Variants in EBF1 observed in about 807,000 individuals in gnomAD.
The protein encoded by EBF1 is EBF transcription factor 1, also known as transcription factor COE1.
Under a neutral mutation model 68.4 loss-of-function variants are expected in EBF1, and 10 were observed. The observed-to-expected ratio is 0.15, with a 90% CI of 0.09 to 0.25. The LOEUF (loss-of-function observed/expected upper bound fraction) is 0.25, where lower values mean the gene tolerates loss of function less well. Ranked by LOEUF, EBF1 falls within the 10% of genes least tolerant of loss-of-function variation. The pLI is 1.00. For missense variants in EBF1, 509 were observed against 794.4 expected (o/e 0.64, Z 4.32); for synonymous variants, 298 against 299.8 (o/e 0.99, Z 0.06).
At chr5:158,907,708 A>G (rs80127467) in intron 6 of EBF1, among the ~76,000 whole-genome samples, 3,212 of 152,224 alleles carry the variant, frequency 0.021, 121 homozygotes, top group African/African-American at 0.073. Context: ...CACCCAAAAC[A>G]TGTATCTTTG....
At chr5:159,041,959 T>C (rs1771281530) in intron 6 of EBF1, among the ~76,000 whole-genome samples, 2 of 152,192 alleles carry the variant, frequency 1.3e-5, no homozygotes, top group Admixed American at 1.3e-4. Context: ...CACAGAATAC[T>C]GATCTATCCA....
At chr5:158,867,890 C>T (rs1242468912) in intron 6 of EBF1, among the ~76,000 whole-genome samples, 1 of 152,148 alleles carries the variant, frequency 6.6e-6, no homozygotes, top group African/African-American at 2.4e-5. Context: ...GATGAGCATT[C>T]GACCATTTCA....
intron 10 of EBF1, among the ~76,000 whole-genome samples, chr5:158,742,472 G>C (rs1254965110): frequency 1.3e-5 from 2 of 152,198 alleles, no homozygotes; most frequent in Non-Finnish European, 2.9e-5. Flanking sequence ...ATACTCAATA[G>C]GCAGTTGTTA....
At chr5:158,888,510 T>C (rs554031868) in intron 6 of EBF1, among the ~76,000 whole-genome samples, 1 of 152,204 alleles carries the variant, frequency 6.6e-6, no homozygotes, top group African/African-American at 2.4e-5. Flanking sequence ...TCACAGCCAA[T>C]GTGCTAAATT....
chr5:158,737,320 G>A (rs71593307), intron 10 of EBF1, among the ~76,000 whole-genome samples: 5 of 111,426 alleles, frequency 4.5e-5, no homozygotes, highest in Non-Finnish European at 4.9e-5. Context: ...GTCTCGCTCC[G>A]TCGCCCAGGG....
chr5:159,006,080 G>C (rs1453036287), intron 6 of EBF1, among the ~76,000 whole-genome samples: 2 of 152,124 alleles, frequency 1.3e-5, no homozygotes, highest in Non-Finnish European at 2.9e-5. Context: ...TCAGTTTATG[G>C]ATAACGGTAT....
At chr5:159,002,719 A>G (rs1762782097) in intron 6 of EBF1, among the ~76,000 whole-genome samples, 1 of 152,244 alleles carries the variant, frequency 6.6e-6, no homozygotes, top group African/African-American at 2.4e-5. Context: ...CCATATAGGC[A>G]CCTAAAATTG....
At chr5:158,988,364 T>C (rs769463375) in intron 6 of EBF1, among the ~76,000 whole-genome samples, 3 of 152,010 alleles carry the variant, frequency 2.0e-5, no homozygotes, top group Non-Finnish European at 4.4e-5. Context: ...TTGAGAAGAG[T>C]GGGACCTAGG....
chr5:158,731,150 G>T lies in EBF1; in HGVS notation c.1044C>A (p.Asn348Lys). The T allele has an allele frequency of 6.2e-7, 1 of 1,613,846 alleles. No homozygotes were observed. Among genetic ancestry groups the T allele is most frequent in the Non-Finnish European group, 8.5e-7 (1 of 1,179,854 alleles). Residue 348 changes from asparagine to lysine, a missense_variant, in exon 11 of 16, where the codon AAC becomes AAA. Physicochemically the swap from Asn to Lys is moderately conservative, Grantham distance 94. Transcript: ENST00000313708. ...GGAAACCATAATCGATGGTGGGTTC[G>T]TTGAGCGCTGCAATAAAGAAGTCAC... ...TPGRFIYTAL[N>K]EPTIDYGFQR...
intron 6 of EBF1, among the ~76,000 whole-genome samples, chr5:158,866,865 A>G (rs373600854): frequency 0.01 from 600 of 58,082 alleles, 28 homozygotes; most frequent in African/African-American, 0.023. Context: ...ATATATATAT[A>G]TATATATATA....
rs182528868 is a variant in EBF1, at chr5:159,026,132, A to C, written c.554+47264T>G. Among the ~76,000 whole-genome samples the C allele has an allele frequency of 7.9e-5, 12 of 152,310 alleles. No individual in the cohort carries two copies. In the East Asian group the frequency reaches 2.3e-3, roughly 29 times the overall value. On this transcript the variant is annotated intron_variant, in intron 6 of 15. Transcript: ENST00000313708. ...AGGTGATTTCAGATGATGCCCGTCAAGCTGGATCTTATGGCCCAGTTGTTT... is the reference window on the plus strand; with the variant it reads ...AGGTGATTTCAGATGATGCCCGTCACGCTGGATCTTATGGCCCAGTTGTTT...
At chr5:159,087,088 T>G (rs1414075294) in intron 4 of EBF1, among the ~76,000 whole-genome samples, 1 of 151,978 alleles carries the variant, frequency 6.6e-6, no homozygotes, top group South Asian at 2.1e-4. Flanking sequence ...CTATTAGTAC[T>G]ACATGGTTTG....
chr5:159,098,128 T>G (rs1782985836), intron 1 of EBF1, among the ~76,000 whole-genome samples: 1 of 152,214 alleles, frequency 6.6e-6, no homozygotes, highest in African/African-American at 2.4e-5. Flanking sequence ...CTTCTTCCCC[T>G]TCCGCACTCT....
chr5:158,955,211 T>G (rs1190174631), intron 6 of EBF1, among the ~76,000 whole-genome samples: 2 of 151,936 alleles, frequency 1.3e-5, no homozygotes, highest in African/African-American at 4.8e-5. Context: ...TAATCCCAGC[T>G]ACTTGGGAGT....
chr5:159,015,140 T>C (rs1765405609), intron 6 of EBF1, among the ~76,000 whole-genome samples: 1 of 152,190 alleles, frequency 6.6e-6, no homozygotes, highest in African/African-American at 2.4e-5. Flanking sequence ...AATGATTTAA[T>C]CTCTCTCAAT....
intron 6 of EBF1, among the ~76,000 whole-genome samples, chr5:158,923,759 T>C (rs967321817): frequency 4.6e-5 from 7 of 152,218 alleles, no homozygotes; most frequent in Non-Finnish European, 4.4e-5. Flanking sequence ...CCCATTTCAC[T>C]GTAAGGTCCC....
At chr5:158,712,506 G>T in intron 13 of EBF1, among the ~76,000 whole-genome samples, 173 bp from the exon 14 acceptor site, 1 of 152,172 alleles carries the variant, frequency 6.6e-6, no homozygotes, top group South Asian at 2.1e-4. Context: ...ATTAAAATGG[G>T]AAGCGAGCAA....
chr5:158,969,377 G>A (rs530415462), intron 6 of EBF1, among the ~76,000 whole-genome samples: 2 of 152,274 alleles, frequency 1.3e-5, no homozygotes, highest in South Asian at 2.1e-4. Flanking sequence ...CTTAATTTCT[G>A]CAGCAATCCC....
intron 10 of EBF1, among the ~76,000 whole-genome samples, chr5:158,746,077 G>T (rs1469433537): frequency 6.6e-6 from 1 of 152,188 alleles, no homozygotes; most frequent in African/African-American, 2.4e-5. Context: ...GTTATTTCCA[G>T]CTTGGGGGAA....
Sources: gnomAD v4.1 joint callset for allele counts (sites outside exome capture counted in the v4.1 genomes callset) on GRCh38, gnomAD v4.1.1 for gene constraint, MANE v1.5 for transcripts, NCBI Gene and HGNC (gene_info 2026-07-23, HGNC 2026-07-21) for gene names.